The following CNTN4 variants were observed in gnomAD, a reference collection of about 807,000 sequenced individuals.
CNTN4 encodes contactin 4.
A neutral mutation model predicts 122.5 loss-of-function variants in CNTN4; 77 were observed. The ratio of observed to expected loss-of-function variants is 0.63; its 90% CI spans 0.52 to 0.76. The LOEUF is 0.76. Among genes scored for constraint, CNTN4 ranks in the 30% least tolerant of loss-of-function variants. The pLI is 0.00. For synonymous variants in CNTN4, 512 were observed against 447.0 expected, an observed-to-expected ratio of 1.15 and a Z score of -1.83; for missense variants, 1,256 against 1,259.1, an observed-to-expected ratio of 1.00 and a Z score of 0.04.
intron 14 of CNTN4, among the ~76,000 whole-genome samples, chr3:3,012,666 C>T (rs540369825): frequency 6.6e-6 from 1 of 152,134 alleles, no homozygotes; most frequent in South Asian, 2.1e-4. Context: ...GGCCAGACTT[C>T]TATTCTCAAA....
intron 13 of CNTN4, among the ~76,000 whole-genome samples, chr3:2,963,828 G>A (rs1440752111): frequency 6.6e-6 from 1 of 152,102 alleles, no homozygotes. Flanking sequence ...AAGAGTAATG[G>A]CATTATTTGT....
intron 13 of CNTN4, among the ~76,000 whole-genome samples, chr3:2,930,276 T>C (rs1176371397): frequency 6.6e-6 from 1 of 152,216 alleles, no homozygotes; most frequent in African/African-American, 2.4e-5. Flanking sequence ...TAGCTTTATT[T>C]ATCTCCACAG....
intron 3 of CNTN4, among the ~76,000 whole-genome samples, chr3:2,481,087 C>CTTTCTTTCTTTCTT (rs1559592904): frequency 1.4e-5 from 1 of 69,700 alleles, no homozygotes; most frequent in African/African-American, 4.7e-5. Context: ...CTCTCTTTCT[C>CTTTCTTTCTTTCTT]TCTTTCTTTC....
At chr3:2,480,274 A>G (rs2075954168) in intron 3 of CNTN4, among the ~76,000 whole-genome samples, 1 of 152,198 alleles carries the variant, frequency 6.6e-6, no homozygotes, top group Non-Finnish European at 1.5e-5. Flanking sequence ...CTAATGCAAC[A>G]AGACAAGAAA....
intron 6 of CNTN4, among the ~76,000 whole-genome samples, chr3:2,818,193 T>G (rs1054661672): frequency 6.6e-6 from 1 of 152,212 alleles, no homozygotes; most frequent in African/African-American, 2.4e-5. Flanking sequence ...TTAATGGAGT[T>G]TTTATGAATA....
At chr3:2,853,896 C>CT (rs1228016675) in intron 7 of CNTN4, among the ~76,000 whole-genome samples, 11 of 152,164 alleles carry the variant, frequency 7.2e-5, no homozygotes, top group African/African-American at 2.7e-4. Context: ...CTATGCTGGC[C>CT]TTGGGGGAAT....
At chr3:3,033,326 C>T (rs1699335796) in intron 16 of CNTN4, among the ~76,000 whole-genome samples, 1 of 152,118 alleles carries the variant, frequency 6.6e-6, no homozygotes. Context: ...ATACAGATTT[C>T]CAGACATTTC....
At chr3:2,256,078 A>G (rs918504361) in intron 2 of CNTN4, among the ~76,000 whole-genome samples, 4 of 152,212 alleles carry the variant, frequency 2.6e-5, no homozygotes, top group Non-Finnish European at 5.9e-5. Flanking sequence ...AGAAGAATCA[A>G]CTAGACAGAA....
rs1294897014 is a variant in CNTN4 at position 2,389,303 on chromosome 3, TC to T, written c.-89+50074del. Among the ~76,000 whole-genome samples the T allele has an allele frequency of 6.1e-3, 645 of 105,946 alleles. 11 individuals are homozygous for T. The highest frequency in any genetic ancestry group is 0.019 in the African/African-American group (617 of 32,162). 69.5% of individuals were successfully genotyped at this position (105,946 alleles called of 152,430 possible). On this transcript the variant is annotated intron_variant, in intron 3 of 24. Coordinates refer to ENST00000418658, the MANE Select transcript of CNTN4 (RefSeq NM_175607.3). ...CATTATGTTGTTCTCGGAGAAACCT[TC>T]CCCGTGATGTATCTTCACATGGCTG...
At chr3:2,540,327 C>A (rs1327671679) in intron 3 of CNTN4, among the ~76,000 whole-genome samples, 1 of 151,942 alleles carries the variant, frequency 6.6e-6, no homozygotes, top group Admixed American at 6.6e-5. Flanking sequence ...CTTGGCACCA[C>A]CCAGCTGAGT....
At chr3:2,198,449 T>G (rs2037947162) in intron 2 of CNTN4, among the ~76,000 whole-genome samples, 1 of 152,168 alleles carries the variant, frequency 6.6e-6, no homozygotes, top group Non-Finnish European at 1.5e-5. Context: ...TTACTAACTT[T>G]ACAGTAATTT....
intron 3 of CNTN4, among the ~76,000 whole-genome samples, chr3:2,346,549 A>G (rs1277710394): frequency 6.6e-6 from 1 of 152,048 alleles, no homozygotes; most frequent in Non-Finnish European, 1.5e-5. Flanking sequence ...ATTTTTTTGT[A>G]TCACTAAATA....
At chr3:2,943,977 A>T (rs2094645653) in intron 13 of CNTN4, among the ~76,000 whole-genome samples, 1 of 152,122 alleles carries the variant, frequency 6.6e-6, no homozygotes, top group Non-Finnish European at 1.5e-5. Context: ...TTGCCTACAG[A>T]TGTTTGTATT....
At chr3:2,123,511 G>C (rs4638945) in intron 2 of CNTN4, among the ~76,000 whole-genome samples, 1,738 of 152,230 alleles carry the variant, frequency 0.011, 26 homozygotes, top group African/African-American at 0.039. Context: ...TTGCACCCCT[G>C]TACTTAGAGG....
chr3:2,465,986 A>G (rs943648390), intron 3 of CNTN4, among the ~76,000 whole-genome samples: 5 of 152,232 alleles, frequency 3.3e-5, no homozygotes, highest in African/African-American at 9.6e-5. Context: ...GCTCAAGGTC[A>G]AAAGCCTCAA....
At chr3:2,780,887 G>A (rs375184643) in intron 6 of CNTN4, among the ~76,000 whole-genome samples, 2 of 152,078 alleles carry the variant, frequency 1.3e-5, no homozygotes, top group East Asian at 1.9e-4. Context: ...TTGTGAATTC[G>A]TTGCTGATTG....
At chr3:2,798,074 C>T (rs9869397) in intron 6 of CNTN4, among the ~76,000 whole-genome samples, 2 of 45,152 alleles carry the variant, frequency 4.4e-5, no homozygotes, top group Admixed American at 2.2e-4. Flanking sequence ...ATCCCTCCCA[C>T]CCTCCCACTC....
intron 3 of CNTN4, among the ~76,000 whole-genome samples, chr3:2,549,186 C>T (rs999827102): frequency 6.6e-6 from 1 of 152,146 alleles, no homozygotes; most frequent in African/African-American, 2.4e-5. Flanking sequence ...TTTGAATACT[C>T]TTTATTTCTT....
At chr3:2,216,897 C>A (rs1005453137) in intron 2 of CNTN4, among the ~76,000 whole-genome samples, 20 of 152,142 alleles carry the variant, frequency 1.3e-4, no homozygotes, top group Admixed American at 4.6e-4. Context: ...GATGGAGCTG[C>A]AATCCACTAC....
Sources: allele counts gnomAD v4.1 joint callset (sites outside exome capture counted in the v4.1 genomes callset), GRCh38; gene constraint gnomAD v4.1.1; transcripts MANE v1.5; gene names NCBI Gene and HGNC (gene_info 2026-07-23, HGNC 2026-07-21).